The following SOX5 variants were observed in gnomAD, a reference collection of about 807,000 sequenced individuals.
SOX5 encodes SRY-box transcription factor 5.
In SOX5, 9 loss-of-function variants were observed where a neutral mutation model predicts 92.0. That is an observed-to-expected ratio of 0.10 (90% CI 0.06 to 0.17). The LOEUF (loss-of-function observed/expected upper bound fraction) is 0.17, where lower values mean the gene tolerates loss of function less well. Ranked by LOEUF, SOX5 falls within the 10% of genes least tolerant of loss-of-function variation. SOX5 has a pLI of 1.00. For synonymous variants in SOX5, 344 were observed against 336.3 expected, an observed-to-expected ratio of 1.02 and a Z score of -0.25; for missense variants, 642 against 944.5, an observed-to-expected ratio of 0.68 and a Z score of 4.20.
chr12:23,877,523 T>C lies in SOX5; in HGVS notation c.270+18270A>G, dbSNP rs1484809796. On this transcript the variant is annotated intron_variant, in intron 2 of 14. Transcript: ENST00000451604. Reference sequence around the variant, plus strand: ...AATAAATAGCTTTATATAGCCCCATTTGCCAGTGTGTATTCAATGCGATAT... The same window carrying C: ...AATAAATAGCTTTATATAGCCCCATCTGCCAGTGTGTATTCAATGCGATAT... 4.6e-5 allele frequency among the ~76,000 whole-genome samples: 7 copies of C among 152,234 alleles called. No homozygotes were observed. In the East Asian group the frequency reaches 1.4e-3, roughly 29 times the overall value.
At chr12:23,698,622 C>G (rs1358095291) in intron 6 of SOX5, among the ~76,000 whole-genome samples, 1 of 152,122 alleles carries the variant, frequency 6.6e-6, no homozygotes, top group Non-Finnish European at 1.5e-5. Context: ...ATTCTAACAT[C>G]TATGCCACTT....
chr12:24,119,049 T>A (rs1351848137), intron 4 of SOX5, among the ~76,000 whole-genome samples: 2 of 152,100 alleles, frequency 1.3e-5, no homozygotes, highest in East Asian at 1.9e-4. Context: ...ATATTTTTTT[T>A]AATATTTGGT....
At chr12:24,309,525 A>G (rs1948966779) in intron 2 of SOX5, among the ~76,000 whole-genome samples, 1 of 152,192 alleles carries the variant, frequency 6.6e-6, no homozygotes, top group Admixed American at 6.5e-5. Context: ...CAGAAAAAAA[A>G]ACTTTTGCTT....
intron 1 of SOX5, among the ~76,000 whole-genome samples, chr12:24,483,776 AT>A (rs2137842217): frequency 6.6e-6 from 1 of 152,282 alleles, no homozygotes; most frequent in South Asian, 2.1e-4. Context: ...TTTCCTAAGC[AT>A]TTTTCATGTT....
intron 6 of SOX5, among the ~76,000 whole-genome samples, chr12:23,707,555 C>G (rs2140309195): frequency 6.6e-6 from 1 of 152,220 alleles, no homozygotes; most frequent in South Asian, 2.1e-4. Flanking sequence ...ATACAGAGAG[C>G]AACGATTATG....
At chr12:24,482,715 T>C (rs572205186) in intron 1 of SOX5, among the ~76,000 whole-genome samples, 2 of 152,324 alleles carry the variant, frequency 1.3e-5, no homozygotes, top group African/African-American at 4.8e-5. Context: ...TTTGTGATAC[T>C]ACTTTTAATT....
At chr12:23,551,604 A>AT in intron 11 of SOX5, among the ~76,000 whole-genome samples, 1 of 152,028 alleles carries the variant, frequency 6.6e-6, no homozygotes, top group East Asian at 1.9e-4. Context: ...TCAAGTATGA[A>AT]TTTATCCGTG....
At chr12:24,552,830 C>T (rs959249346) in intron 1 of SOX5, among the ~76,000 whole-genome samples, 5 of 152,080 alleles carry the variant, frequency 3.3e-5, no homozygotes, top group African/African-American at 1.2e-4. Flanking sequence ...TGAAACCCCA[C>T]CTCTACACAA....
intron 2 of SOX5, among the ~76,000 whole-genome samples, chr12:24,291,008 C>CT (rs1485335402): frequency 6.6e-6 from 1 of 152,164 alleles, no homozygotes; most frequent in Non-Finnish European, 1.5e-5. Flanking sequence ...TTTACTATTT[C>CT]TTGCTGCTTA....
At chr12:24,463,832 C>A (rs894468751) in intron 1 of SOX5, among the ~76,000 whole-genome samples, 1 of 152,178 alleles carries the variant, frequency 6.6e-6, no homozygotes, top group Middle Eastern at 3.2e-3. Context: ...TATTTTGGAA[C>A]ACTGACATCT....
At chr12:24,120,112 A>G (rs1403113368) in intron 4 of SOX5, among the ~76,000 whole-genome samples, 1 of 152,212 alleles carries the variant, frequency 6.6e-6, no homozygotes, top group Non-Finnish European at 1.5e-5. Context: ...TACTATGAAC[A>G]GTGATACTCT....
intron 10 of SOX5, among the ~76,000 whole-genome samples, chr12:23,573,195 A>C (rs1272562038): frequency 1.3e-5 from 2 of 152,110 alleles, no homozygotes; most frequent in Non-Finnish European, 2.9e-5. Context: ...AGTAATATAC[A>C]TATTCCTATT....
At chr12:23,613,095 C>G (rs2076155203) in intron 8 of SOX5, among the ~76,000 whole-genome samples, 1 of 152,090 alleles carries the variant, frequency 6.6e-6, no homozygotes, top group Non-Finnish European at 1.5e-5. Context: ...GCATGTTCTT[C>G]AAGTGTAATG....
chr12:24,542,427 T>C (rs1341396193), intron 1 of SOX5, among the ~76,000 whole-genome samples: 1 of 152,220 alleles, frequency 6.6e-6, no homozygotes, highest in Non-Finnish European at 1.5e-5. Flanking sequence ...GATAATACAC[T>C]CGATAGCACT....
intron 3 of SOX5, among the ~76,000 whole-genome samples, chr12:24,234,810 C>T (rs1964127480): frequency 6.6e-6 from 1 of 152,010 alleles, no homozygotes; most frequent in African/African-American, 2.4e-5. Flanking sequence ...CGATTTTGCC[C>T]CTGCCCAGGG....
intron 12 of SOX5, 29 bp from the exon 13 acceptor site, chr12:23,543,413 A>G: frequency 6.3e-7 from 1 of 1,591,964 alleles, no homozygotes; most frequent in Non-Finnish European, 8.6e-7. Context: ...ACTTCGTGTT[A>G]GCGTTAAAAC....
chr12:23,933,679 T>C (rs1941933651), intron 1 of SOX5, among the ~76,000 whole-genome samples: 1 of 151,572 alleles, frequency 6.6e-6, no homozygotes, highest in South Asian at 2.1e-4. Flanking sequence ...GAAGACAACT[T>C]GTGCTATGTT....
At chr12:24,436,644 A>G (rs1246086862) in intron 1 of SOX5, among the ~76,000 whole-genome samples, 1 of 152,204 alleles carries the variant, frequency 6.6e-6, no homozygotes, top group Non-Finnish European at 1.5e-5. Context: ...CAAAATATCC[A>G]GAAGATCTAG....
intron 4 of SOX5, among the ~76,000 whole-genome samples, chr12:23,989,668 T>C (rs1259694341): frequency 6.6e-6 from 1 of 152,088 alleles, no homozygotes; most frequent in East Asian, 1.9e-4. Context: ...ATTTGTGCCC[T>C]TATAACTATA....
Sources: gnomAD v4.1 joint callset for allele counts (sites outside exome capture counted in the v4.1 genomes callset) on GRCh38, gnomAD v4.1.1 for gene constraint, MANE v1.5 for transcripts, NCBI Gene and HGNC (gene_info 2026-07-23, HGNC 2026-07-21) for gene names.